Variants in PCDH11Y observed in about 807,000 individuals in gnomAD.
PCDH11Y encodes the protein protocadherin 11 Y-linked.
For synonymous variants in PCDH11Y, 9 were observed against 83.6 expected, an observed-to-expected ratio of 0.11 and a Z score of 4.87; for missense variants, 12 against 224.8, an observed-to-expected ratio of 0.05 and a Z score of 6.05.
intron 1 of PCDH11Y, among the ~76,000 whole-genome samples, chrY:5,092,186 C>T (rs2052742581): frequency 6.3e-5 from 2 of 31,562 alleles, no homozygotes; most frequent in South Asian, 1.5e-3. Flanking sequence ...GTTTCCTTAC[C>T]CAAAGGGAGA....
At chrY:5,242,115 G>A in intron 2 of PCDH11Y, among the ~76,000 whole-genome samples, 2 of 28,797 alleles carry the variant, frequency 6.9e-5, no homozygotes, top group African/African-American at 2.8e-4. Context: ...ACAGCTGACT[G>A]CCGTAGCGCA....
intron 2 of PCDH11Y, among the ~76,000 whole-genome samples, chrY:5,115,889 C>T (rs1353783903): frequency 6.7e-5 from 2 of 29,887 alleles, no homozygotes; most frequent in African/African-American, 2.7e-4. Flanking sequence ...TACAGGCGCC[C>T]GCCACCACGC....
chrY:5,700,777 G>C, intron 4 of PCDH11Y, among the ~76,000 whole-genome samples: 1 of 33,711 alleles, frequency 3.0e-5, no homozygotes, highest in African/African-American at 1.2e-4. Context: ...ACATGACTTT[G>C]GTATTAAGTA....
intron 2 of PCDH11Y, among the ~76,000 whole-genome samples, chrY:5,329,717 A>G: frequency 6.0e-5 from 2 of 33,257 alleles, no homozygotes; most frequent in East Asian, 1.6e-3. Flanking sequence ...CCAGAAAATG[A>G]AAGGAATTGA....
intron 2 of PCDH11Y, among the ~76,000 whole-genome samples, chrY:5,219,004 T>C: frequency 2.9e-5 from 1 of 34,393 alleles, no homozygotes; most frequent in African/African-American, 1.1e-4. Flanking sequence ...TTTAGTATAA[T>C]GTCCTCCATG....
chrY:5,712,417 C>T, intron 4 of PCDH11Y, among the ~76,000 whole-genome samples: 2 of 33,272 alleles, frequency 6.0e-5, no homozygotes, highest in Non-Finnish European at 1.5e-4. Flanking sequence ...CAATGTTATA[C>T]GTGGTTAAAA....
At chrY:5,674,076 C>A in intron 4 of PCDH11Y, among the ~76,000 whole-genome samples, 5 of 32,818 alleles carry the variant, frequency 1.5e-4, no homozygotes, top group Non-Finnish European at 3.0e-4. Flanking sequence ...TTCCCACTGT[C>A]AACTTCCCAC....
chrY:5,342,474 A>G, intron 2 of PCDH11Y, among the ~76,000 whole-genome samples: 3 of 34,034 alleles, frequency 8.8e-5, no homozygotes, highest in Non-Finnish European at 2.2e-4. Context: ...ATTAAGGAGC[A>G]ATGTGTAATA....
chrY:5,290,454 A>T, intron 2 of PCDH11Y, among the ~76,000 whole-genome samples: 1 of 31,299 alleles, frequency 3.2e-5, no homozygotes, highest in Non-Finnish European at 7.7e-5. Context: ...TTTTAACTTG[A>T]TGTGATTCCA....
intron 2 of PCDH11Y, among the ~76,000 whole-genome samples, chrY:5,471,035 A>G: frequency 3.1e-5 from 1 of 31,884 alleles, no homozygotes; most frequent in Non-Finnish European, 7.8e-5. Context: ...AGCAAAGTTC[A>G]TGTCTCTATG....
chrY:5,565,818 T>A, intron 3 of PCDH11Y, among the ~76,000 whole-genome samples: 1 of 27,852 alleles, frequency 3.6e-5, no homozygotes, highest in Non-Finnish European at 8.3e-5. Context: ...GTAAGAAAGA[T>A]GAGCCCATCC....
At chrY:5,441,495 C>G in intron 2 of PCDH11Y, among the ~76,000 whole-genome samples, 1 of 32,373 alleles carries the variant, frequency 3.1e-5, no homozygotes, top group Non-Finnish European at 7.6e-5. Flanking sequence ...TGATTACTGC[C>G]AAAATCTCTT....
intron 4 of PCDH11Y, among the ~76,000 whole-genome samples, chrY:5,667,693 C>A: frequency 6.0e-5 from 2 of 33,367 alleles, no homozygotes; most frequent in African/African-American, 2.3e-4. Context: ...TCGCACACAG[C>A]CCCTAAAATT....
intron 2 of PCDH11Y, among the ~76,000 whole-genome samples, chrY:5,285,382 A>G: frequency 3.0e-5 from 1 of 32,924 alleles, no homozygotes; most frequent in Non-Finnish European, 7.5e-5. Context: ...ATGAGTCCTT[A>G]TGGTAGAACA....
chrY:5,383,794 T>C (rs1602916017), intron 2 of PCDH11Y, among the ~76,000 whole-genome samples: 216 of 32,205 alleles, frequency 6.7e-3, no homozygotes, highest in Admixed American at 0.017. Context: ...AATTTTTGTA[T>C]TTTTAGTAGA....
intron 2 of PCDH11Y, among the ~76,000 whole-genome samples, chrY:5,271,036 A>G: frequency 2.4e-4 from 8 of 33,898 alleles, no homozygotes; most frequent in Non-Finnish European, 5.9e-4. Context: ...AAGACCTTCC[A>G]AAATATAATC....
intron 2 of PCDH11Y, among the ~76,000 whole-genome samples, chrY:5,216,855 T>A: frequency 1.6e-4 from 5 of 30,905 alleles, no homozygotes; most frequent in African/African-American, 6.4e-4. Flanking sequence ...CAAATGTATA[T>A]CAATCTACAC....
intron 4 of PCDH11Y, among the ~76,000 whole-genome samples, chrY:5,720,006 T>C (rs1602963948): frequency 2.9e-5 from 1 of 33,988 alleles, no homozygotes; most frequent in Non-Finnish European, 7.3e-5. Context: ...TCACTGGATT[T>C]CACATTTTCA....
At chrY:5,550,107 GAA>G (rs745563279) in intron 3 of PCDH11Y, among the ~76,000 whole-genome samples, 9 of 18,944 alleles carry the variant, frequency 4.8e-4, no homozygotes, top group Non-Finnish European at 1.3e-4. Flanking sequence ...ATAAAAGGTT[GAA>G]AAAAAAAAAA....
Sources: gnomAD v4.1 joint callset for allele counts (sites outside exome capture counted in the v4.1 genomes callset) on GRCh38, gnomAD v4.1.1 for gene constraint, MANE v1.5 for transcripts, NCBI Gene and HGNC (gene_info 2026-07-23, HGNC 2026-07-21) for gene names.